PLCB1: variants seen among roughly 807,000 people sequenced by gnomAD.
PLCB1 encodes the protein phospholipase C beta 1.
In PLCB1, 46 loss-of-function variants were observed where a neutral mutation model predicts 161.8. The observed-to-expected ratio is 0.28, with a 90% CI of 0.22 to 0.36. The LOEUF (loss-of-function observed/expected upper bound fraction) is 0.36, where lower values mean the gene tolerates loss of function less well. Ranked by LOEUF, PLCB1 falls within the 10% of genes least tolerant of loss-of-function variation. The probability of loss-of-function intolerance (pLI) is 1.00; values close to 1 mark genes in which losing one functional copy is unlikely to be tolerated. For synonymous variants in PLCB1, 517 were observed against 503.7 expected (o/e 1.03, Z -0.35); for missense variants, 1,016 against 1,472.5 (o/e 0.69, Z 5.07).
chr20:8,684,448 T>C (rs2123398097), intron 9 of PLCB1, among the ~76,000 whole-genome samples: 1 of 151,272 alleles, frequency 6.6e-6, no homozygotes, highest in South Asian at 2.1e-4. Context: ...GAGAGGAGAC[T>C]TCGCCATATT....
At chr20:8,149,836 T>C (rs1371993059) in intron 1 of PLCB1, among the ~76,000 whole-genome samples, 1 of 152,168 alleles carries the variant, frequency 6.6e-6, no homozygotes, top group African/African-American at 2.4e-5. Context: ...GAAGATGGCC[T>C]TATTTACTGT....
intron 24 of PLCB1, 33 bp from the exon 25 acceptor site, chr20:8,760,374 A>G: frequency 7.2e-7 from 1 of 1,382,832 alleles, no homozygotes; most frequent in Non-Finnish European, 1.0e-6. Context: ...TAAAAAGTTG[A>G]AGAGGCTATT....
chr20:8,439,017 A>G (rs774087719), intron 3 of PLCB1, among the ~76,000 whole-genome samples: 7 of 152,184 alleles, frequency 4.6e-5, no homozygotes, highest in Non-Finnish European at 8.8e-5. Flanking sequence ...TCGTAAGGTC[A>G]TCTTAGAAGA....
chr20:8,877,548 C>A (rs1478293219), intron 31 of PLCB1, among the ~76,000 whole-genome samples: 1 of 152,216 alleles, frequency 6.6e-6, no homozygotes, highest in East Asian at 1.9e-4. Flanking sequence ...AGAAACCCCA[C>A]AACCCCCTCT....
intron 9 of PLCB1, among the ~76,000 whole-genome samples, chr20:8,680,775 A>G (rs950672485): frequency 6.6e-6 from 1 of 151,908 alleles, no homozygotes; most frequent in African/African-American, 2.4e-5. Flanking sequence ...ACACTCACTC[A>G]CCAAACTATT....
chr20:8,833,962 T>C (rs972101647), intron 31 of PLCB1, among the ~76,000 whole-genome samples: 4 of 152,132 alleles, frequency 2.6e-5, no homozygotes, highest in African/African-American at 7.2e-5. Context: ...GTGGGTTGTA[T>C]GTGTGAAATC....
At chr20:8,445,930 A>G (rs1347428496) in intron 3 of PLCB1, among the ~76,000 whole-genome samples, 3 of 152,142 alleles carry the variant, frequency 2.0e-5, no homozygotes, top group Non-Finnish European at 4.4e-5. Context: ...TTGCTTACCG[A>G]AAAAAGTCCA....
At chr20:8,573,129 G>A (rs1986572425) in intron 3 of PLCB1, among the ~76,000 whole-genome samples, 1 of 152,122 alleles carries the variant, frequency 6.6e-6, no homozygotes, top group Non-Finnish European at 1.5e-5. Context: ...AAACCCATTA[G>A]AAGACAATAG....
At chr20:8,195,815 G>A (rs941912067) in intron 2 of PLCB1, among the ~76,000 whole-genome samples, 4 of 152,174 alleles carry the variant, frequency 2.6e-5, no homozygotes, top group African/African-American at 9.6e-5. Flanking sequence ...TGATTTGTAT[G>A]ATGTTTTCTC....
intron 31 of PLCB1, among the ~76,000 whole-genome samples, chr20:8,858,403 G>C (rs1600098931): frequency 6.6e-6 from 1 of 152,234 alleles, no homozygotes; most frequent in Non-Finnish European, 1.5e-5. Context: ...TCTTTTGGCA[G>C]TAGACCCTGA....
intron 4 of PLCB1, among the ~76,000 whole-genome samples, chr20:8,631,786 A>G (rs6086543): frequency 0.14 from 21,976 of 152,140 alleles, 1,581 homozygotes; most frequent in Middle Eastern, 0.21. Context: ...CTCATCCCCT[A>G]TAAAGGAAAG....
intron 2 of PLCB1, among the ~76,000 whole-genome samples, chr20:8,304,732 G>A (rs1255192884): frequency 6.6e-6 from 1 of 151,944 alleles, no homozygotes; most frequent in Non-Finnish European, 1.5e-5. Context: ...TGCTTCCAGT[G>A]GGCCAGGCAG....
chr20:8,585,425 A>G (rs2327047), intron 3 of PLCB1, among the ~76,000 whole-genome samples: 77,462 of 152,024 alleles, frequency 0.51, 22,536 homozygotes, highest in African/African-American at 0.8. Flanking sequence ...AATAGCTTCT[A>G]GAAGAATTGT....
chr20:8,847,313 T>G (rs1161854336), intron 31 of PLCB1, among the ~76,000 whole-genome samples: 1 of 152,136 alleles, frequency 6.6e-6, no homozygotes, highest in Non-Finnish European at 1.5e-5. Context: ...CTATACTTTC[T>G]TGCACCATGA....
At chr20:8,866,984 C>T (rs897671005) in intron 31 of PLCB1, among the ~76,000 whole-genome samples, 12 of 152,226 alleles carry the variant, frequency 7.9e-5, no homozygotes, top group South Asian at 4.2e-4. Context: ...AACCCTAGGA[C>T]GGCTAACCAC....
At chr20:8,471,493 A>G (rs573339301) in intron 3 of PLCB1, among the ~76,000 whole-genome samples, 122 of 152,278 alleles carry the variant, frequency 8.0e-4, no homozygotes, top group Non-Finnish European at 1.4e-3. Flanking sequence ...AACAGCAGCA[A>G]TTGTTAAGTT....
chr20:8,609,245 CT>C (rs1299712022), intron 3 of PLCB1, among the ~76,000 whole-genome samples: 1 of 152,130 alleles, frequency 6.6e-6, no homozygotes, highest in African/African-American at 2.4e-5. Flanking sequence ...GCTGCAATTA[CT>C]TTTACATCAA....
chr20:8,235,877 TA>T lies in PLCB1; in HGVS notation c.177+85514del, dbSNP rs72147445. 4.1e-3 allele frequency among the ~76,000 whole-genome samples: 618 copies of T among 152,044 alleles called. 9 individuals carry two copies. Among genetic ancestry groups the T allele is most frequent in the African/African-American group, 0.014 (567 of 41,514 alleles). ...AGCTCAAATATAAAGGACCTATATT[TA>T]AAAAAAATCTTAAGGCGTGTATAGG... On this transcript the variant is annotated intron_variant, in intron 2 of 31. Transcript: ENST00000338037.
chr20:8,296,817 T>C (rs1600294745), intron 2 of PLCB1, among the ~76,000 whole-genome samples: 1 of 152,182 alleles, frequency 6.6e-6, no homozygotes, highest in Admixed American at 6.6e-5. Flanking sequence ...GTTATGAAAA[T>C]GTACAATGCT....
Sources: allele counts gnomAD v4.1 joint callset (sites outside exome capture counted in the v4.1 genomes callset), GRCh38; gene constraint gnomAD v4.1.1; transcripts MANE v1.5; gene names NCBI Gene and HGNC (gene_info 2026-07-23, HGNC 2026-07-21).